The following RBFOX2 variants were observed in gnomAD, a reference collection of about 807,000 sequenced individuals.
RBFOX2 encodes RNA binding fox-1 homolog 2.
A neutral mutation model predicts 49.1 loss-of-function variants in RBFOX2; 10 were observed. The ratio of observed to expected loss-of-function variants is 0.20; its 90% CI spans 0.13 to 0.35. The LOEUF (loss-of-function observed/expected upper bound fraction) is 0.35. RBFOX2 is among the 10% of genes least tolerant of loss of function. The pLI is 1.00. For missense variants in RBFOX2, 323 were observed against 486.9 expected (o/e 0.66, Z 3.17); for synonymous variants, 183 against 187.4 (o/e 0.98, Z 0.19).
chr22:35,933,759 T>C (rs1291953927), intron 1 of RBFOX2, among the ~76,000 whole-genome samples: 1 of 152,008 alleles, frequency 6.6e-6, no homozygotes, highest in Non-Finnish European at 1.5e-5. Flanking sequence ...AAAGGGACGC[T>C]TTTAACAGTC....
upstream of RBFOX2, among the ~76,000 whole-genome samples, chr22:35,963,059 C>CAAAAAAAAAAA (rs34027896): frequency 6.0e-5 from 2 of 33,590 alleles, no homozygotes; most frequent in Non-Finnish European, 5.8e-5. Flanking sequence ...AACTCTCCAG[C>CAAAAAAAAAAA]AAAAAAAAAA....
At chr22:35,808,140 A>G in intron 2 of RBFOX2, among the ~76,000 whole-genome samples, 1 of 152,194 alleles carries the variant, frequency 6.6e-6, no homozygotes, top group East Asian at 1.9e-4. Flanking sequence ...TCTTTAATTG[A>G]AACAGTTATT....
chr22:35,890,148 T>C (rs1388295298), intron 1 of RBFOX2, among the ~76,000 whole-genome samples: 2 of 152,234 alleles, frequency 1.3e-5, no homozygotes, highest in East Asian at 1.9e-4. Flanking sequence ...ATATATCTTT[T>C]TCGTAACCTG....
At chr22:35,777,994 C>T in intron 4 of RBFOX2, 31 bp downstream of exon 5, 1 of 1,572,110 alleles carries the variant, frequency 6.4e-7, no homozygotes, top group Non-Finnish European at 8.7e-7. Flanking sequence ...AAAAAGAAAT[C>T]AAGCACACTT....
intron 9 of RBFOX2, among the ~76,000 whole-genome samples, chr22:35,757,478 C>T (rs1435528517): frequency 6.6e-6 from 1 of 152,170 alleles, no homozygotes; most frequent in Admixed American, 6.5e-5. Flanking sequence ...GAAATTTTCA[C>T]CACTACCTTC....
intron 6 of RBFOX2, among the ~76,000 whole-genome samples, chr22:35,763,314 C>T (rs1431389691): frequency 6.6e-6 from 1 of 152,242 alleles, no homozygotes; most frequent in Non-Finnish European, 1.5e-5. Context: ...GTAATCCCAG[C>T]ACTTTGGGAG....
chr22:35,908,873 C>T (rs1174938135), intron 1 of RBFOX2, among the ~76,000 whole-genome samples: 13 of 148,336 alleles, frequency 8.8e-5, no homozygotes, highest in Non-Finnish European at 1.8e-4. Flanking sequence ...GATGGAGTCT[C>T]GCTCTGTCAC....
At chr22:35,951,681 C>G (rs769787945) in intron 1 of RBFOX2, among the ~76,000 whole-genome samples, 12 of 152,144 alleles carry the variant, frequency 7.9e-5, no homozygotes, top group Non-Finnish European at 1.6e-4. Context: ...GACATTATGC[C>G]TAGTGTTTTA....
chr22:35,844,648 C>T (rs2040937594), upstream of RBFOX2, among the ~76,000 whole-genome samples: 1 of 151,356 alleles, frequency 6.6e-6, no homozygotes, highest in Admixed American at 6.6e-5. Context: ...GCACACACCA[C>T]CATGCCCGGC....
upstream of RBFOX2, among the ~76,000 whole-genome samples, chr22:35,939,575 T>C (rs1003148916): frequency 3.9e-5 from 6 of 152,186 alleles, no homozygotes; most frequent in African/African-American, 1.4e-4. Context: ...AGCTTACTTG[T>C]GCAGCTTACT....
intron 2 of RBFOX2, among the ~76,000 whole-genome samples, chr22:35,789,778 G>A (rs1325448588): frequency 6.6e-6 from 1 of 152,140 alleles, no homozygotes; most frequent in African/African-American, 2.4e-5. Flanking sequence ...ACGTGGTGGT[G>A]GTGGTTGTTG....
chr22:35,939,276 C>T (rs1348536477), upstream of RBFOX2: 2 of 474,080 alleles, frequency 4.2e-6, no homozygotes, highest in African/African-American at 3.9e-5. Context: ...CACCCCTAAA[C>T]ACTAGGATAA....
At position 35,923,881 on chromosome 22, in the gene RBFOX2, G is replaced by A. The variant is rs73161714; in HGVS notation, c.-34+14966C>T. Among the ~76,000 whole-genome samples, 968 of 151,700 alleles carry A rather than the reference G, an allele frequency of 6.4e-3. 5 individuals carry two copies. Among genetic ancestry groups the A allele is most frequent in the Admixed American group, 0.013 (201 of 15,246 alleles). On this transcript the variant is annotated intron_variant, in intron 1 of 13. Coordinates refer to the RBFOX2 transcript ENST00000359369. ...CCTTAGTAAATAGGGAAGCAAGTGG[G>A]AAGCAAGTGGGGAACATAATGTTTG...
chr22:35,756,038 GA>G, intron 9 of RBFOX2, 66 bp downstream of exon 11: 17 of 1,231,970 alleles, frequency 1.4e-5, no homozygotes, highest in Non-Finnish European at 1.7e-5. Flanking sequence ...CCAAACCAAA[GA>G]AACAGAAAAA....
chr22:35,829,324 A>G (rs964094339), intron 1 of RBFOX2, among the ~76,000 whole-genome samples: 5 of 152,192 alleles, frequency 3.3e-5, no homozygotes, highest in Admixed American at 1.3e-4. Flanking sequence ...TAGAATTAGC[A>G]GATGAGGACA....
intron 1 of RBFOX2, among the ~76,000 whole-genome samples, chr22:35,821,304 A>G (rs754307470): frequency 6.6e-6 from 1 of 152,144 alleles, no homozygotes. Flanking sequence ...CTTATGATTA[A>G]AAGCAGCAGT....
At chr22:35,826,031 A>C (rs1259952327) in intron 1 of RBFOX2, among the ~76,000 whole-genome samples, 4 of 145,530 alleles carry the variant, frequency 2.7e-5, no homozygotes, top group Non-Finnish European at 6.0e-5. Context: ...TATATAAAAA[A>C]TTCTTTGCTT....
intron 1 of RBFOX2, among the ~76,000 whole-genome samples, chr22:35,839,802 T>G (rs1002833302): frequency 6.6e-6 from 1 of 152,226 alleles, no homozygotes; most frequent in African/African-American, 2.4e-5. Flanking sequence ...CAAATTCTTC[T>G]GAAATTCTTA....
At chr22:35,809,658 G>A (rs1951448213) in intron 2 of RBFOX2, 122 bp downstream of exon 3, 3 of 1,071,080 alleles carry the variant, frequency 2.8e-6, no homozygotes, top group Admixed American at 1.8e-5. Flanking sequence ...GAGAGAAGGT[G>A]TAAATGAGAA....
Sources: gnomAD v4.1 joint callset for allele counts (sites outside exome capture counted in the v4.1 genomes callset) on GRCh38, gnomAD v4.1.1 for gene constraint, MANE v1.5 for transcripts, NCBI Gene and HGNC (gene_info 2026-07-23, HGNC 2026-07-21) for gene names.